TNKS: variants seen among roughly 807,000 people sequenced by gnomAD.
TNKS encodes the protein poly [ADP-ribose] polymerase tankyrase-1.
In TNKS, 72 loss-of-function variants were observed where a neutral mutation model predicts 135.8. The ratio of observed to expected loss-of-function variants is 0.53; its 90% CI spans 0.44 to 0.64. TNKS has a LOEUF of 0.64. TNKS is among the 30% of genes least tolerant of loss of function. TNKS has a pLI of 0.00. For missense variants in TNKS, 1,769 were observed against 1,674.0 expected (o/e 1.06, Z -0.99); for synonymous variants, 849 against 649.3 (o/e 1.31, Z -4.68).
chr8:9,740,828 T>TTTTG lies in TNKS; in HGVS notation c.2643+5345_2643+5346insGTTT, dbSNP rs1554482068. ...TACATTTATATGTAATTCTTGTTGT[T>TTTTG]TTTTTTTTTTTTTTTTTTGAGAACA... On this transcript the variant is annotated intron_variant, in intron 17 of 26. Coordinates refer to ENST00000310430, the MANE Select transcript of TNKS (RefSeq NM_003747.3). The TTTTG allele has an allele frequency of 2.2e-5, 3 of 137,802 alleles. No homozygotes were observed. In the East Asian group the frequency reaches 6.3e-4, roughly 29 times the overall value. The allele number at this position is 137,802 out of a possible 1,614,324, so 8.5% of individuals were successfully genotyped here.
At chr8:9,556,764 G>C in intron 1 of TNKS, 152 bp downstream of exon 1, 1 of 837,150 alleles carries the variant, frequency 1.2e-6, no homozygotes, top group Non-Finnish European at 1.8e-6. Flanking sequence ...CCTTTCTTTT[G>C]GTGGTGCCTG....
chr8:9,644,104 A>G (rs1247702185), intron 3 of TNKS, among the ~76,000 whole-genome samples: 1 of 152,174 alleles, frequency 6.6e-6, no homozygotes, highest in African/African-American at 2.4e-5. Context: ...AGTGGTTGCC[A>G]GGGCCTGAAG....
intron 2 of TNKS, among the ~76,000 whole-genome samples, chr8:9,607,611 C>G (rs190914823): frequency 6.6e-6 from 1 of 152,224 alleles, no homozygotes; most frequent in East Asian, 1.9e-4. Flanking sequence ...GTAATGATTT[C>G]CATTTGTCGT....
intron 3 of TNKS, among the ~76,000 whole-genome samples, chr8:9,668,482 T>C (rs989998854): frequency 6.6e-6 from 1 of 152,224 alleles, no homozygotes; most frequent in African/African-American, 2.4e-5. Flanking sequence ...GTTAGAAATA[T>C]AATCTTAGAA....
rs975816835 is a variant in TNKS at position 9,780,481 on chromosome 8, G to T, written c.*3745G>T. ...CAAATTTGTTTAATGTCAGATCAGT[G>T]ACAGAAGTGAAAAGAAAGTAATTGT... On this transcript the variant is annotated 3_prime_UTR_variant, in exon 27 of 27. Coordinates refer to ENST00000310430, the MANE Select transcript of TNKS (RefSeq NM_003747.3). 2 of 152,170 alleles carry T rather than the reference G, an allele frequency of 1.3e-5. No homozygotes were observed. Among genetic ancestry groups the T allele is most frequent in the Non-Finnish European group, 2.9e-5 (2 of 68,026 alleles). The allele number at this position is 152,170 out of a possible 1,614,324, so 9.4% of individuals were successfully genotyped here.
At chr8:9,751,929 A>G (rs186380758) in intron 19 of TNKS, 83 bp downstream of exon 19, 31 of 1,238,768 alleles carry the variant, frequency 2.5e-5, no homozygotes, top group Admixed American at 2.4e-4. Flanking sequence ...TAACTATTGA[A>G]TGCCTCAATT....
intron 2 of TNKS, among the ~76,000 whole-genome samples, chr8:9,605,149 A>T (rs1481412371): frequency 6.6e-6 from 1 of 152,068 alleles, no homozygotes; most frequent in African/African-American, 2.4e-5. Flanking sequence ...TTACTCCAAA[A>T]AGTTGTCTGG....
At chr8:9,662,992 T>C (rs923800610) in intron 3 of TNKS, among the ~76,000 whole-genome samples, 1 of 152,204 alleles carries the variant, frequency 6.6e-6, no homozygotes, top group Non-Finnish European at 1.5e-5. Flanking sequence ...TTGGGTTATC[T>C]GGATAGGCCC....
At chr8:9,587,747 C>T (rs770070340) in intron 2 of TNKS, among the ~76,000 whole-genome samples, 7 of 152,170 alleles carry the variant, frequency 4.6e-5, no homozygotes, top group Non-Finnish European at 7.3e-5. Flanking sequence ...GATTTAGGAT[C>T]TCCAGAACTG....
Position 9,776,815 on chromosome 8 carries a change from A to G in TNKS, c.*79A>G. ...GAGGATTGTTTCTAATAACAACATC[A>G]ATATTCTAGAAGTCCCTGACAGCCT... On this transcript the variant is annotated 3_prime_UTR_variant, in exon 27 of 27. Coordinates refer to ENST00000310430, the MANE Select transcript of TNKS (RefSeq NM_003747.3). 1.5e-6 allele frequency: 2 copies of G among 1,364,904 alleles called. No individual in the cohort carries two copies. Among genetic ancestry groups the G allele is most frequent in the South Asian group, 2.4e-5 (2 of 83,964 alleles). The allele number at this position is 1,364,904 out of a possible 1,614,324, so 84.5% of individuals were successfully genotyped here.
chr8:9,771,660 G>GAGAAA (rs1359391115), intron 26 of TNKS, among the ~76,000 whole-genome samples: 1 of 98,908 alleles, frequency 1.0e-5, no homozygotes, highest in Non-Finnish European at 2.1e-5. Context: ...TGAATGGAGG[G>GAGAAA]GAGAGGCAGG....
chr8:9,603,814 C>T (rs1295875138), intron 2 of TNKS, among the ~76,000 whole-genome samples: 2 of 151,844 alleles, frequency 1.3e-5, no homozygotes, highest in South Asian at 2.1e-4. Context: ...CATAATAGCA[C>T]GAGGATATTA....
Position 9,751,806 on chromosome 8 carries a change from A to G in TNKS, c.3030A>G (p.Ala1010=), listed in dbSNP as rs1315742600. 4 of 1,614,060 alleles carry G rather than the reference A, an allele frequency of 2.5e-6. No homozygotes were observed. The South Asian group carries it at 4.4e-5, about 18-fold the overall frequency. Residue 1010 remains alanine (A), a synonymous_variant, in exon 19 of 27, where the codon GCA becomes GCG. Transcript: ENST00000310430. The part of the protein sequence containing the change: ...AELAVGGASN[A]GDGAAGTERK... ...TGGCCGTAGGAGGAGCCTCCAATGC[A>G]GGGGATGGCGCCGCGGGAACAGAAA...
chr8:9,772,831 C>CTGTGTGTGTGTCTG (rs1808004741), intron 26 of TNKS, among the ~76,000 whole-genome samples: 1 of 119,034 alleles, frequency 8.4e-6, no homozygotes. Flanking sequence ...GTGTGTGTGT[C>CTGTGTGTGTGTCTG]TGTGTGTGTG....
chr8:9,562,342 A>G (rs893090544), intron 1 of TNKS, among the ~76,000 whole-genome samples: 1 of 152,098 alleles, frequency 6.6e-6, no homozygotes, highest in Non-Finnish European at 1.5e-5. Context: ...AATTTAATTT[A>G]TATATTTATT....
At chr8:9,740,046 AGAGT>A (rs1805850770) in intron 17 of TNKS, among the ~76,000 whole-genome samples, 1 of 75,446 alleles carries the variant, frequency 1.3e-5, no homozygotes, top group Admixed American at 1.8e-4. Context: ...CCTAAAACTT[AGAGT>A]ATAATAAAAA....
intron 17 of TNKS, among the ~76,000 whole-genome samples, chr8:9,741,327 G>T (rs1233236033): frequency 6.6e-6 from 1 of 152,042 alleles, no homozygotes; most frequent in Non-Finnish European, 1.5e-5. Flanking sequence ...GGGACAGATG[G>T]TGGCCATAGA....
intron 5 of TNKS, among the ~76,000 whole-genome samples, chr8:9,698,171 G>C (rs115026703): frequency 6.6e-6 from 1 of 152,080 alleles, no homozygotes; most frequent in East Asian, 1.9e-4. Context: ...CATATCACAT[G>C]TTCTCACTTA....
At chr8:9,660,858 C>G (rs541364283) in intron 3 of TNKS, among the ~76,000 whole-genome samples, 1 of 152,258 alleles carries the variant, frequency 6.6e-6, no homozygotes, top group African/African-American at 2.4e-5. Context: ...AGCCCAAAAT[C>G]TCCTTAAGCT....
Sources: gnomAD v4.1 joint callset for allele counts (sites outside exome capture counted in the v4.1 genomes callset) on GRCh38, gnomAD v4.1.1 for gene constraint, MANE v1.5 for transcripts, NCBI Gene and HGNC (gene_info 2026-07-23, HGNC 2026-07-21) for gene names.